The following GRK5 variants were observed in gnomAD, a reference collection of about 807,000 sequenced individuals.
GRK5 encodes g protein-coupled receptor kinase GRK5.
Under a neutral mutation model 78.4 loss-of-function variants are expected in GRK5, and 40 were observed. The observed-to-expected ratio is 0.51, with a 90% CI of 0.40 to 0.66. The LOEUF (loss-of-function observed/expected upper bound fraction) is 0.66. Among genes scored for constraint, GRK5 ranks in the 30% least tolerant of loss-of-function variants. The probability of loss-of-function intolerance (pLI) is 0.00; values close to 1 mark genes in which losing one functional copy is unlikely to be tolerated. For synonymous variants in GRK5, 289 were observed against 296.8 expected, an observed-to-expected ratio of 0.97 and a Z score of 0.27; for missense variants, 598 against 759.9, an observed-to-expected ratio of 0.79 and a Z score of 2.50.
Position 119,455,389 on chromosome 10 carries a change from TAAAGA to T in GRK5, c.*327_*331del. 2 of 503,690 alleles carry T rather than the reference TAAAGA, an allele frequency of 4.0e-6. No individual in the cohort carries two copies. The highest frequency in any genetic ancestry group is 3.4e-5 in the South Asian group (2 of 58,180). The allele number at this position is 503,690 out of a possible 1,614,324, so 31.2% of individuals were successfully genotyped here. ...AACTGAATTTTGTCTTTATGATTTT[TAAAGA>T]AAAGTTTTGTAAATTTCTCTACTGT... is the stretch of plus-strand genomic sequence containing the variant. On this transcript the variant is annotated 3_prime_UTR_variant, in exon 16 of 16. Transcript: ENST00000392870.
rs1849528011 is a variant in GRK5 at position 119,267,934 on chromosome 10, CA to C, written c.53-58578del. 1.3e-5 allele frequency among the ~76,000 whole-genome samples: 2 copies of C among 152,132 alleles called. No homozygotes were observed. Among genetic ancestry groups the C allele is most frequent in the African/African-American group, 4.8e-5 (2 of 41,420 alleles). The stretch of plus-strand genomic sequence containing the variant: ...AAATGGGGTCCCCTGAGGAGAAGGA[CA>C]AAAGCAGACAATTCCTGAGGACAAG... On this transcript the variant is annotated intron_variant, in intron 1 of 15. Transcript: ENST00000392870. This position sits in a 1 kb window ranked among gnomAD's most constrained non-coding sequence, Gnocchi z 4.1.
intron 1 of GRK5, among the ~76,000 whole-genome samples, chr10:119,251,074 A>T (rs772576820): frequency 3.3e-5 from 5 of 151,832 alleles, no homozygotes; most frequent in Non-Finnish European, 7.4e-5. Context: ...GTTTTCAATG[A>T]CGAACATTTG....
intron 1 of GRK5, among the ~76,000 whole-genome samples, chr10:119,280,005 C>T (rs192595654): frequency 6.6e-6 from 1 of 152,220 alleles, no homozygotes; most frequent in East Asian, 1.9e-4. Flanking sequence ...AAACCCAGTG[C>T]CCAGAGTATT....
In GRK5 at chr10:119,455,354, T is replaced by C. The variant is rs1853385194; in HGVS notation, c.*287T>C. 1.6e-6 allele frequency: 1 copy of C among 609,482 alleles called. No homozygotes were observed. Among genetic ancestry groups the C allele is most frequent in the African/African-American group, 1.8e-5 (1 of 54,304 alleles). 37.8% of individuals were successfully genotyped at this position (609,482 alleles called of 1,614,324 possible). ...ACAACTTGCACGTATTTTAATAGCG[T>C]CATAACTAGAACTGAATTTTGTCTT... On this transcript the variant is annotated 3_prime_UTR_variant, in exon 16 of 16. Coordinates refer to ENST00000392870, the MANE Select transcript of GRK5 (RefSeq NM_005308.3).
At chr10:119,270,553 A>AG (rs1372202310) in intron 1 of GRK5, among the ~76,000 whole-genome samples, 1 of 152,196 alleles carries the variant, frequency 6.6e-6, no homozygotes, top group Non-Finnish European at 1.5e-5. Flanking sequence ...TTGCCATCTG[A>AG]GGGGGGCACC....
intron 1 of GRK5, among the ~76,000 whole-genome samples, chr10:119,270,919 G>T (rs529858756): frequency 6.6e-6 from 1 of 152,360 alleles, no homozygotes; most frequent in South Asian, 2.1e-4. Flanking sequence ...GAGTTGGCAT[G>T]CTGGGCCCCT....
At chr10:119,394,138 C>CTGTGTGTG (rs1851939830) in intron 3 of GRK5, among the ~76,000 whole-genome samples, 2 of 30,610 alleles carry the variant, frequency 6.5e-5, no homozygotes, top group Admixed American at 5.8e-4. Context: ...GTGTGGGTAT[C>CTGTGTGTG]TGTGGGTATG....
In GRK5 at chr10:119,264,751, T is replaced by C. The variant is rs931226002; in HGVS notation, c.52+56782T>C. Among the ~76,000 whole-genome samples the C allele has an allele frequency of 2.6e-5, 4 of 152,200 alleles. No homozygotes were observed. Among genetic ancestry groups the C allele is most frequent in the Non-Finnish European group, 5.9e-5 (4 of 68,032 alleles). On this transcript the variant is annotated intron_variant, in intron 1 of 15. Coordinates refer to ENST00000392870, the MANE Select transcript of GRK5 (RefSeq NM_005308.3). This position sits in a 1 kb window ranked among gnomAD's most constrained non-coding sequence, Gnocchi z 4.1. Reference sequence around the variant, plus strand: ...GTGGGGTAGGACTATTCTTCAGCAGTGGGAGGGACCCTGGGTGGACTAAAA... The same window carrying C: ...GTGGGGTAGGACTATTCTTCAGCAGCGGGAGGGACCCTGGGTGGACTAAAA...
chr10:119,233,425 G>A (rs1848863156), intron 1 of GRK5, among the ~76,000 whole-genome samples: 2 of 152,130 alleles, frequency 1.3e-5, no homozygotes, highest in Admixed American at 6.5e-5. Flanking sequence ...CCAAGCTGGT[G>A]GAGGGAAACT....
chr10:119,335,377 T>G (rs904068716), intron 2 of GRK5, among the ~76,000 whole-genome samples: 50 of 151,988 alleles, frequency 3.3e-4, no homozygotes, highest in African/African-American at 1.1e-3. Context: ...CTTTTTTGTT[T>G]TTTTGAGATG....
chr10:119,431,540 C>T lies in GRK5; in HGVS notation c.738+13C>T, dbSNP rs1852817121. The T allele has an allele frequency of 6.2e-7, 1 of 1,610,164 alleles. No homozygotes were observed. The highest frequency in any genetic ancestry group is 1.3e-5 in the African/African-American group (1 of 74,782). The stretch of plus-strand genomic sequence containing the variant: ...CAGTCAGTTTGTGGTGAGTGAGCAT[C>T]TGGGCCCAGTGACCGGCTCGCCCTT... On this transcript the variant is annotated intron_variant, in intron 8 of 15. Coordinates refer to ENST00000392870, the MANE Select transcript of GRK5 (RefSeq NM_005308.3). This position sits in a 1 kb window ranked among gnomAD's most constrained non-coding sequence, Gnocchi z 4.8.
At chr10:119,263,857 G>C (rs1376239902) in intron 1 of GRK5, among the ~76,000 whole-genome samples, 1 of 152,218 alleles carries the variant, frequency 6.6e-6, no homozygotes, top group East Asian at 1.9e-4. Flanking sequence ...GAACCCAGGA[G>C]GGAGAGCTTG....
intron 1 of GRK5, among the ~76,000 whole-genome samples, chr10:119,218,003 C>G (rs1271531297): frequency 6.6e-6 from 1 of 152,152 alleles, no homozygotes; most frequent in African/African-American, 2.4e-5. Context: ...GAAAAGCTCT[C>G]TCCGGATGAC....
chr10:119,282,883 C>A (rs1000932619), intron 1 of GRK5, among the ~76,000 whole-genome samples: 1 of 152,178 alleles, frequency 6.6e-6, no homozygotes, highest in Non-Finnish European at 1.5e-5. Context: ...TAGGTGAGGC[C>A]GGAGGAGTGA....
chr10:119,266,972 G>A (rs1055142978), intron 1 of GRK5, among the ~76,000 whole-genome samples: 3 of 151,986 alleles, frequency 2.0e-5, no homozygotes, highest in Non-Finnish European at 2.9e-5. Context: ...GGCTGGGAGC[G>A]GTGACTCATG....
intron 2 of GRK5, among the ~76,000 whole-genome samples, chr10:119,368,041 C>T (rs1408565563): frequency 1.3e-5 from 2 of 152,268 alleles, no homozygotes; most frequent in Non-Finnish European, 2.9e-5. Flanking sequence ...CAGCCGTTTC[C>T]TGGCCCGGCC....
At chr10:119,401,026 T>TC (rs940874465) in intron 4 of GRK5, among the ~76,000 whole-genome samples, 1 of 152,102 alleles carries the variant, frequency 6.6e-6, no homozygotes, top group African/African-American at 2.4e-5. Context: ...GCTCTCTGTG[T>TC]CCCCGCCCCA....
At chr10:119,285,145 G>A (rs1434298487) in intron 1 of GRK5, among the ~76,000 whole-genome samples, 1 of 152,206 alleles carries the variant, frequency 6.6e-6, no homozygotes, top group Non-Finnish European at 1.5e-5. Flanking sequence ...ATACATCATG[G>A]GTTCACGTTG....
At chr10:119,311,898 T>A (rs1222616582) in intron 1 of GRK5, among the ~76,000 whole-genome samples, 1 of 149,722 alleles carries the variant, frequency 6.7e-6, no homozygotes, top group Non-Finnish European at 1.5e-5. Flanking sequence ...GTGTACTGAA[T>A]GCTACTGAAT....
Sources: allele counts gnomAD v4.1 joint callset (sites outside exome capture counted in the v4.1 genomes callset), GRCh38; gene constraint gnomAD v4.1.1; non-coding constraint Gnocchi (gnomAD v3.1); transcripts MANE v1.5; gene names NCBI Gene and HGNC (gene_info 2026-07-23, HGNC 2026-07-21).